The following COX15 variants were observed in gnomAD, a reference collection of about 807,000 sequenced individuals.
COX15 encodes cytochrome c oxidase assembly factor COX15, also known as heme A synthase COX15.
In COX15, 51 loss-of-function variants were observed where a neutral mutation model predicts 51.9. That is an observed-to-expected ratio of 0.98 (90% CI 0.78 to 1.24). The LOEUF (loss-of-function observed/expected upper bound fraction) is 1.24. Ranked by LOEUF, COX15 falls within the 50% of genes most tolerant of loss-of-function variation. COX15 has a pLI of 0.00. For missense variants in COX15, 420 were observed against 501.1 expected, an observed-to-expected ratio of 0.84 and a Z score of 1.55; for synonymous variants, 188 against 190.5, an observed-to-expected ratio of 0.99 and a Z score of 0.11.
chr10:99,701,149 C>A, the COX15 span: 1 of 1,128,760 alleles, frequency 8.9e-7, no homozygotes, highest in Non-Finnish European at 1.3e-6. Context: ...GATTAGATTT[C>A]ATGTTGAGGG....
At position 99,732,089 on chromosome 10, in the gene COX15, G is replaced by A. The variant is rs1384780165; in HGVS notation, c.-40C>T. ...ACAGCCACCTCTTCCACAACCCAGG[G>A]CTCTGTGGTCTCCCTCCTCCGCCAA... On this transcript the variant is annotated 5_prime_UTR_variant, in exon 1 of 9. Coordinates refer to ENST00000016171, the MANE Select transcript of COX15 (RefSeq NM_078470.6). 1.3e-6 allele frequency: 2 copies of A among 1,597,410 alleles called. No homozygotes were observed. The highest frequency in any genetic ancestry group is 1.7e-6 in the Non-Finnish European group (2 of 1,171,766).
intron 8 of COX15, among the ~76,000 whole-genome samples, chr10:99,715,225 C>T (rs1191600124): frequency 1.3e-5 from 2 of 152,118 alleles, no homozygotes; most frequent in Non-Finnish European, 2.9e-5. Context: ...GCAACCTCCA[C>T]TTCCAGGGCT....
At chr10:99,718,674 A>C (rs2036653084) in intron 6 of COX15, among the ~76,000 whole-genome samples, 174 bp from the exon 7 acceptor site, 1 of 152,216 alleles carries the variant, frequency 6.6e-6, no homozygotes, top group Non-Finnish European at 1.5e-5. Flanking sequence ...ACAATCACCA[A>C]GGAAACTTCA....
At chr10:99,701,424 A>C in the COX15 span, among the ~76,000 whole-genome samples, 1 of 151,442 alleles carries the variant, frequency 6.6e-6, no homozygotes, top group Non-Finnish European at 1.5e-5. Context: ...AGTAGCTGGG[A>C]CTATAGGCAC....
In COX15 at chr10:99,711,836, ACT is replaced by A. The variant is rs1438796090; in HGVS notation, c.*2749_*2750del. On this transcript the variant is annotated 3_prime_UTR_variant, in exon 9 of 9. Transcript: ENST00000016171. ...TCGGCTTGCATTGCTATAAGGAAAT[ACT>A]GACAATTTTTAGAAAGAAAAGAGGT... The A allele has an allele frequency of 8.1e-6, 8 of 984,626 alleles. No individual in the cohort carries two copies. In the African/African-American group the frequency reaches 1.4e-4, roughly 17 times the overall value. The allele number at this position is 984,626 out of a possible 1,614,324, so 61.0% of individuals were successfully genotyped here. A position where few individuals can be genotyped will look rare whatever the true frequency, so the allele number is the denominator to read the frequency against.
chr10:99,709,395 G>A, downstream of COX15: 9 of 985,394 alleles, frequency 9.1e-6, no homozygotes, highest in Non-Finnish European at 1.1e-5. Flanking sequence ...TCCCATATTA[G>A]TCTCTTAGGG....
At chr10:99,697,931 G>A in the COX15 span, 3 of 154,672 alleles carry the variant, frequency 1.9e-5, no homozygotes, top group African/African-American at 7.2e-5. Flanking sequence ...CAAAATAACT[G>A]GACCTGTGTT....
the COX15 span, among the ~76,000 whole-genome samples, chr10:99,702,986 A>G: frequency 1.3e-5 from 2 of 152,312 alleles, no homozygotes; most frequent in African/African-American, 2.4e-5. Context: ...CACTTCCAAG[A>G]TACTGACAAG....
chr10:99,718,038 T>C (rs1382556969), intron 7 of COX15, among the ~76,000 whole-genome samples: 2 of 152,188 alleles, frequency 1.3e-5, no homozygotes, highest in Non-Finnish European at 2.9e-5. Flanking sequence ...CTGAAATGAC[T>C]TTCTAGGTAC....
intron 1 of COX15, among the ~76,000 whole-genome samples, chr10:99,729,954 C>T (rs1324706359): frequency 1.3e-5 from 2 of 152,208 alleles, no homozygotes; most frequent in African/African-American, 4.8e-5. Flanking sequence ...CTACATGAAT[C>T]TTCTCATCTC....
At chr10:99,717,988 A>G (rs943456094) in intron 7 of COX15, among the ~76,000 whole-genome samples, 55 of 152,332 alleles carry the variant, frequency 3.6e-4, no homozygotes, top group African/African-American at 1.3e-3. Context: ...CTTAGCAGCT[A>G]TGGTCTCCGC....
At chr10:99,701,124 G>T in the COX15 span, 46 of 1,289,420 alleles carry the variant, frequency 3.6e-5, 1 homozygote, top group South Asian at 5.2e-4. Flanking sequence ...ATAATGGAGA[G>T]TGAGCAATAA....
At chr10:99,700,750 A>G in the COX15 span, 1 of 582,104 alleles carries the variant, frequency 1.7e-6, no homozygotes, top group Non-Finnish European at 3.1e-6. Context: ...CTGAAGCCTA[A>G]GAGGCTCAGA....
At chr10:99,709,064 C>G (rs992676810), downstream of COX15, 1 of 982,120 alleles carries the variant, frequency 1.0e-6, no homozygotes, top group African/African-American at 1.8e-5. Flanking sequence ...TATTTCTTTT[C>G]GTACTTTTAA....
At position 99,718,286 on chromosome 10, in the gene COX15, A is replaced by G. The variant is rs527472854; in HGVS notation, c.987+60T>C. 22 of 1,590,854 alleles carry G rather than the reference A, an allele frequency of 1.4e-5. No homozygotes were observed. In the East Asian group the frequency reaches 4.7e-4, roughly 34 times the overall value. On this transcript the variant is annotated intron_variant, in intron 7 of 8. Coordinates refer to ENST00000016171, the MANE Select transcript of COX15 (RefSeq NM_078470.6). ...GTGTTGCCATCAGTGCTTCACTGACACCCCAAAGCCTATGATAGGCTCCTG... is the reference window on the plus strand; with the variant it reads ...GTGTTGCCATCAGTGCTTCACTGACGCCCCAAAGCCTATGATAGGCTCCTG...
the COX15 span, chr10:99,702,673 G>A: frequency 6.2e-7 from 1 of 1,608,494 alleles, no homozygotes. Flanking sequence ...TTACCACTCA[G>A]GTAAAGTAAG....
chr10:99,724,284 G>A (rs1208805607), intron 4 of COX15, among the ~76,000 whole-genome samples, 161 bp from the exon 5 acceptor site: 1 of 152,146 alleles, frequency 6.6e-6, no homozygotes, highest in African/African-American at 2.4e-5. Flanking sequence ...CCAGGTTCAA[G>A]TGATTCTCCT....
At chr10:99,718,209 TA>T in intron 7 of COX15, 136 bp downstream of exon 7, 1 of 1,004,632 alleles carries the variant, frequency 1.0e-6, no homozygotes, top group Non-Finnish European at 1.5e-6. Context: ...GAAATGGTCC[TA>T]AAATTTCTTC....
At chr10:99,719,811 T>C (rs971170528) in intron 6 of COX15, among the ~76,000 whole-genome samples, 1 of 152,206 alleles carries the variant, frequency 6.6e-6, no homozygotes, top group Non-Finnish European at 1.5e-5. Flanking sequence ...TTTTTTTAAA[T>C]GTCCCTTATG....
Sources: gnomAD v4.1 joint callset for allele counts (sites outside exome capture counted in the v4.1 genomes callset) on GRCh38, gnomAD v4.1.1 for gene constraint, MANE v1.5 for transcripts, NCBI Gene and HGNC (gene_info 2026-07-23, HGNC 2026-07-21) for gene names.